Variants in ZNF195 observed in about 807,000 individuals in gnomAD.
ZNF195 encodes the protein hypoxia-regulated factor-1.
In ZNF195, 11 loss-of-function variants were observed where a neutral mutation model predicts 19.5. The ratio of observed to expected loss-of-function variants is 0.57; its 90% CI spans 0.36 to 0.94. The LOEUF is 0.94. Ranked by LOEUF, ZNF195 falls within the 40% of genes least tolerant of loss-of-function variation. The probability of loss-of-function intolerance (pLI) is 0.01; values close to 1 mark genes in which losing one functional copy is unlikely to be tolerated. For synonymous variants in ZNF195, 214 were observed against 248.1 expected, an observed-to-expected ratio of 0.86 and a Z score of 1.29; for missense variants, 582 against 709.0, an observed-to-expected ratio of 0.82 and a Z score of 2.03.
intron 1 of ZNF195, among the ~76,000 whole-genome samples, chr11:3,372,363 A>C (rs919291952): frequency 6.6e-6 from 1 of 152,262 alleles, no homozygotes; most frequent in Non-Finnish European, 1.5e-5. Context: ...AAACTCCACA[A>C]TGGAAAATCT....
intron 1 of ZNF195, among the ~76,000 whole-genome samples, chr11:3,372,295 G>C (rs923723309): frequency 3.3e-5 from 5 of 152,166 alleles, no homozygotes; most frequent in African/African-American, 1.2e-4. Flanking sequence ...GATTAAATGT[G>C]ATTATTTATG....
At chr11:3,361,311 G>C (rs1396980853) in intron 4 of ZNF195, among the ~76,000 whole-genome samples, 2 of 152,128 alleles carry the variant, frequency 1.3e-5, no homozygotes, top group Admixed American at 6.5e-5. Flanking sequence ...CTGAATCTCA[G>C]TCAAAGATGA....
At chr11:3,366,219 G>A (rs1366228982) in intron 3 of ZNF195, among the ~76,000 whole-genome samples, 2 of 133,026 alleles carry the variant, frequency 1.5e-5, no homozygotes, top group Non-Finnish European at 3.1e-5. Context: ...AGCAGAGATC[G>A]CACCACTGCA....
At chr11:3,372,965 C>G (rs1849290828) in intron 1 of ZNF195, among the ~76,000 whole-genome samples, 1 of 152,214 alleles carries the variant, frequency 6.6e-6, no homozygotes, top group Admixed American at 6.5e-5. Flanking sequence ...AACTCCTGGC[C>G]CCAAGCGATC....
intron 1 of ZNF195, among the ~76,000 whole-genome samples, chr11:3,377,114 T>C (rs556189851): frequency 6.6e-6 from 1 of 152,368 alleles, no homozygotes; most frequent in African/African-American, 2.4e-5. Flanking sequence ...TTTCCTGAAA[T>C]TGACCTATTT....
chr11:3,361,541 A>G (rs1476402024), intron 4 of ZNF195, among the ~76,000 whole-genome samples: 1 of 152,218 alleles, frequency 6.6e-6, no homozygotes, highest in Non-Finnish European at 1.5e-5. Context: ...AGACTGAGAA[A>G]CTGAGGTATG....
rs376323132 is a variant in ZNF195 at position 3,359,377 on chromosome 11, T to A, written c.1631A>T (p.His544Leu). ...ACACTTGTAGGGTTTCTCTCCAGTATGAATTCTCTTATGTACAATAAGGTT... is the reference window on the plus strand; with the variant it reads ...ACACTTGTAGGGTTTCTCTCCAGTAAGAATTCTCTTATGTACAATAAGGTT... ...SSNLIVHKRI[H>L]TGEKPYKCEE... The change falls in exon 6 of 6, where the codon CAT becomes CTT. Residue 544 changes from histidine (H) to leucine (L), a missense_variant. His to Leu is a moderately conservative substitution (Grantham distance 99). Around this residue, in one of 3 missense-constraint regions of ZNF195, gnomAD observed 407 missense variants for 530.5 expected, o/e 0.77. Coordinates refer to ENST00000399602, the MANE Select transcript of ZNF195 (RefSeq NM_001130520.3). This position sits in a 1 kb window ranked among gnomAD's most constrained non-coding sequence, Gnocchi z 5.5. 1 of 1,614,180 alleles carries A rather than the reference T, an allele frequency of 6.2e-7. No individual in the cohort carries two copies. The highest frequency in any genetic ancestry group is 8.5e-7 in the Non-Finnish European group (1 of 1,180,020).
In ZNF195 at chr11:3,360,838, GC is replaced by G. The variant is rs1791251515; in HGVS notation, c.374-51del. 5 of 1,517,262 alleles carry G rather than the reference GC, an allele frequency of 3.3e-6. No homozygotes were observed. The African/African-American group carries it at 4.2e-5, about 13-fold the overall frequency. The allele number at this position is 1,517,262 out of a possible 1,614,324, so 94.0% of individuals were successfully genotyped here. On this transcript the variant is annotated intron_variant, in intron 4 of 5. Transcript: ENST00000399602. The stretch of plus-strand genomic sequence containing the variant: ...CAGTCTGTTACGTTTACCCACTGCA[GC>G]CCCCGCTCCTCCGCAGTATAGCATC...
At chr11:3,365,103 C>A (rs77061662) in intron 3 of ZNF195, among the ~76,000 whole-genome samples, 1,584 of 152,266 alleles carry the variant, frequency 0.01, 37 homozygotes, top group African/African-American at 0.036. Context: ...GAACCTGTAA[C>A]TGTTTATCTG....
intron 3 of ZNF195, chr11:3,369,418 T>G: frequency 2.4e-6 from 1 of 424,414 alleles, no homozygotes; most frequent in South Asian, 1.7e-5. Flanking sequence ...AAGCAGCATC[T>G]TGAAGAATTA....
intron 1 of ZNF195, chr11:3,373,434 C>G (rs1218311707): frequency 1.4e-6 from 1 of 693,096 alleles, no homozygotes; most frequent in East Asian, 2.7e-5. Context: ...AGAGACCCTT[C>G]ATTATTATAA....
At position 3,379,091 on chromosome 11, in the gene ZNF195, T is replaced by G. The variant is rs754697033; in HGVS notation, c.-51A>C. The G allele has an allele frequency of 4.7e-6, 7 of 1,481,786 alleles. No homozygotes were observed. The highest frequency in any genetic ancestry group is 6.3e-6 in the Non-Finnish European group (7 of 1,107,522). 91.8% of individuals were successfully genotyped at this position (1,481,786 alleles called of 1,614,324 possible). A position where few individuals can be genotyped will look rare whatever the true frequency, so the allele number is the denominator to read the frequency against. On this transcript the variant is annotated 5_prime_UTR_variant, in exon 1 of 6. Transcript: ENST00000399602. ...TTTCACTTCTGGATCTCCCGGTGCCTGCGGGTCACACGACCTACGGCTAGC... is the reference window on the plus strand; with the variant it reads ...TTTCACTTCTGGATCTCCCGGTGCCGGCGGGTCACACGACCTACGGCTAGC...
At chr11:3,378,840 T>C (rs1030649183) in intron 1 of ZNF195, among the ~76,000 whole-genome samples, 198 bp downstream of exon 1, 1 of 152,110 alleles carries the variant, frequency 6.6e-6, no homozygotes. Context: ...CGGGGGGACA[T>C]GGCTCTGGGC....
rs767351981 is a variant in ZNF195, at chr11:3,359,848, C to T, written c.1160G>A (p.Trp387Ter). The part of the protein sequence containing the change: ...AGEKLSKCET[W>*]YKGFNHSPNP... ...TGGGCTGTGGTTAAAACCTTTGTAC[C>T]ATGTTTCACATTTGGAGAGCTTCTC... The change falls in exon 6 of 6, where the codon TGG (tryptophan) becomes TAG (stop). Residue 387 changes from tryptophan to a stop codon, truncating the protein, a stop_gained. Transcript: ENST00000399602. LOFTEE classifies it low-confidence loss of function (END_TRUNC). This position sits in a 1 kb window ranked among gnomAD's most constrained non-coding sequence, Gnocchi z 5.5. 6.2e-7 allele frequency: 1 copy of T among 1,613,974 alleles called. No homozygotes were observed. The highest frequency in any genetic ancestry group is 8.5e-7 in the Non-Finnish European group (1 of 1,180,020).
Position 3,361,736 on chromosome 11 carries a change from A to C in ZNF195, c.373+7T>G. 7.7e-7 allele frequency: 1 copy of C among 1,301,934 alleles called. No individual in the cohort carries two copies. Among genetic ancestry groups the C allele is most frequent in the Non-Finnish European group, 1.0e-6 (1 of 987,600 alleles). The allele number at this position is 1,301,934 out of a possible 1,614,324, so 80.6% of individuals were successfully genotyped here. A position where few individuals can be genotyped will look rare whatever the true frequency, so the allele number is the denominator to read the frequency against. On this transcript the variant is annotated splice_region_variant and intron_variant, in intron 4 of 5. Coordinates refer to ENST00000399602, the MANE Select transcript of ZNF195 (RefSeq NM_001130520.3). ...GAAAAGCAAGGTACATGCTCTTAGGAGATTACCAGTGAATTTGTCCACAGA... is the reference window on the plus strand; with the variant it reads ...GAAAAGCAAGGTACATGCTCTTAGGCGATTACCAGTGAATTTGTCCACAGA...
At chr11:3,367,163 C>G (rs1022255014) in intron 3 of ZNF195, 2 of 287,780 alleles carry the variant, frequency 6.9e-6, no homozygotes, top group Non-Finnish European at 1.4e-5. Flanking sequence ...GTATACAAAG[C>G]AACTCAGGAC....
Position 3,361,851 on chromosome 11 carries a change from G to A in ZNF195, c.265C>T (p.Leu89Phe). The A allele has an allele frequency of 1.8e-6, 1 of 548,564 alleles. No homozygotes were observed. Among genetic ancestry groups the A allele is most frequent in the Non-Finnish European group, 3.3e-6 (1 of 304,172 alleles). 34.0% of individuals were successfully genotyped at this position (548,564 alleles called of 1,614,324 possible). Residue 89 changes from leucine (L) to phenylalanine (F), a missense_variant, in exon 4 of 6, where the codon CTC becomes TTC. Physicochemically the swap from Leu to Phe is conservative, Grantham distance 22. This residue lies in a region of ZNF195 where 129 missense variants were observed against 112.1 expected (regional missense o/e 1.15). Transcript: ENST00000399602. ...GCAGGCAGATCGCTTGAGCCCAGGA[G>A]TTCAAGACAAGCCTGAGTAGCATGG... Reference protein sequence around the residue: ...FHHATQACLELLGSSDLPASA... With the variant: ...FHHATQACLEFLGSSDLPASA...
Position 3,360,568 on chromosome 11 carries a change from G to GAA in ZNF195, c.443-5_443-4dup, listed in dbSNP as rs369559162. 4.9e-4 allele frequency: 642 copies of GAA among 1,321,304 alleles called. No homozygotes were observed. Among genetic ancestry groups the GAA allele is most frequent in the South Asian group, 1.7e-3 (107 of 63,530 alleles). 81.8% of individuals were successfully genotyped at this position (1,321,304 alleles called of 1,614,324 possible). A position where few individuals can be genotyped will look rare whatever the true frequency, so the allele number is the denominator to read the frequency against. Reference sequence around the variant, plus strand: ...TTGGGTAAAATGAGAAGACATAGCTGAAAAAAAAAAAAAAAGTTATCCGAC... The same window carrying GAA: ...TTGGGTAAAATGAGAAGACATAGCTGAAAAAAAAAAAAAAAAAGTTATCCGAC... On this transcript the variant is annotated splice_region_variant and splice_polypyrimidine_tract_variant and intron_variant, in intron 5 of 5. Transcript: ENST00000399602.
chr11:3,376,760 A>T (rs1307632229), intron 1 of ZNF195, among the ~76,000 whole-genome samples: 1 of 152,232 alleles, frequency 6.6e-6, no homozygotes, highest in Non-Finnish European at 1.5e-5. Context: ...CACTTTTAGA[A>T]GTGCTAAGTT....
Sources: gnomAD v4.1 joint callset for allele counts (sites outside exome capture counted in the v4.1 genomes callset) on GRCh38, gnomAD v4.1.1 for gene constraint, gnomAD v4.1.1 regional missense constraint, Gnocchi (gnomAD v3.1) non-coding constraint, MANE v1.5 for transcripts, NCBI Gene and HGNC (gene_info 2026-07-23, HGNC 2026-07-21) for gene names.